Variants in BAZ1B observed in about 807,000 individuals in gnomAD.
BAZ1B encodes the protein tyrosine-protein kinase BAZ1B.
In BAZ1B, 22 loss-of-function variants were observed where a neutral mutation model predicts 153.8. The observed-to-expected ratio is 0.14, with a 90% CI of 0.10 to 0.20. BAZ1B has a LOEUF of 0.20. BAZ1B is among the 10% of genes least tolerant of loss of function. The probability of loss-of-function intolerance (pLI) is 1.00; values close to 1 mark genes in which losing one functional copy is unlikely to be tolerated. For missense variants in BAZ1B, 1,325 were observed against 1,799.3 expected (o/e 0.74, Z 4.77); for synonymous variants, 676 against 633.4 (o/e 1.07, Z -1.01).
intron 12 of BAZ1B, among the ~76,000 whole-genome samples, chr7:73,461,274 A>C (rs1042784048): frequency 2.0e-5 from 3 of 152,068 alleles, no homozygotes; most frequent in Non-Finnish European, 4.4e-5. Context: ...CCGCGCCCGC[A>C]TGAACAAGAC....
intron 3 of BAZ1B, among the ~76,000 whole-genome samples, chr7:73,507,592 C>T (rs919221468): frequency 6.6e-6 from 1 of 152,056 alleles, no homozygotes; most frequent in East Asian, 1.9e-4. Flanking sequence ...ACCAAAAAGA[C>T]AAAATAACAG....
chr7:73,521,711 G>A, intron 1 of BAZ1B, 116 bp downstream of exon 1: 1 of 818,018 alleles, frequency 1.2e-6, no homozygotes, highest in Non-Finnish European at 1.7e-6. Context: ...GAGCGGCCGG[G>A]GCGCGCTGAC....
rs547725426 is a variant in BAZ1B at position 73,481,900 on chromosome 7, G to A, written c.892-3331C>T. ...AAAATACAAAAAAAATTAGCCTGGC[G>A]CGGTGGCGGGCGCCTGTAGTCCCAG... is the stretch of plus-strand genomic sequence containing the variant. On this transcript the variant is annotated intron_variant, in intron 6 of 19. Transcript: ENST00000339594. Among the ~76,000 whole-genome samples, 11 of 152,200 alleles carry A rather than the reference G, an allele frequency of 7.2e-5. No homozygotes were observed. In the South Asian group the frequency reaches 1.0e-3, roughly 14 times the overall value.
chr7:73,449,216 G>A (rs151143551), intron 15 of BAZ1B, among the ~76,000 whole-genome samples: 130 of 152,300 alleles, frequency 8.5e-4, no homozygotes, highest in Admixed American at 5.7e-3. Context: ...TTTTAGCAGT[G>A]GGTGATAGCA....
At chr7:73,463,957 C>A (rs2116290138) in intron 11 of BAZ1B, 1 of 219,516 alleles carries the variant, frequency 4.6e-6, no homozygotes, top group Non-Finnish European at 7.7e-6. Context: ...CCGCCTGCCT[C>A]TGCCTCCCAA....
Position 73,521,874 on chromosome 7 carries a change from C to A in BAZ1B, c.60G>T (p.Glu20Asp). ...GAGTGTGCGGGATGGTGAAGAGCGG[C>A]TCCTCTCCGGGCAACGGCTTCACCA... is the stretch of plus-strand genomic sequence containing the variant. The part of the protein sequence containing the change: ...FPLVKPLPGE[E>D]PLFTIPHTQE... Residue 20 changes from glutamate to aspartate, a missense_variant, in exon 1 of 20, where the codon GAG (glutamate) becomes GAT (aspartate). This residue lies in a region of BAZ1B where 61 missense variants were observed against 61.5 expected (regional missense o/e 0.99). Transcript: ENST00000339594. 6.6e-7 allele frequency: 1 copy of A among 1,507,232 alleles called. No individual in the cohort carries two copies. Among genetic ancestry groups the A allele is most frequent in the Non-Finnish European group, 8.9e-7 (1 of 1,124,142 alleles). The allele number at this position is 1,507,232 out of a possible 1,614,324, so 93.4% of individuals were successfully genotyped here. A position where few individuals can be genotyped will look rare whatever the true frequency, so the allele number is the denominator to read the frequency against.
Position 73,442,451 on chromosome 7 carries a change from G to A in BAZ1B, c.4197C>T (p.Arg1399=). The stretch of plus-strand genomic sequence containing the variant: ...TGTCAGTAAGAAACTCCTGCACAGA[G>A]CGGTAGCTCCCACAGGAACATTTGT... ...VQNKCSCGSY[R]SVQEFLTDMK... is the part of the protein sequence containing the mutation. Residue 1399 remains arginine (R), a synonymous_variant, in exon 19 of 20, where the codon CGC becomes CGT. Transcript: ENST00000339594. 1 of 1,614,238 alleles carries A rather than the reference G, an allele frequency of 6.2e-7. No individual in the cohort carries two copies. Among genetic ancestry groups the A allele is most frequent in the Non-Finnish European group, 8.5e-7 (1 of 1,180,046 alleles).
intron 5 of BAZ1B, 115 bp from the exon 6 acceptor site, chr7:73,489,506 G>T: frequency 1.9e-6 from 2 of 1,046,478 alleles, no homozygotes; most frequent in Non-Finnish European, 2.8e-6. Context: ...TATCAACAGG[G>T]CTACAAATTA....
intron 13 of BAZ1B, among the ~76,000 whole-genome samples, chr7:73,453,771 G>A (rs1289819744): frequency 6.6e-6 from 1 of 152,166 alleles, no homozygotes; most frequent in East Asian, 1.9e-4. Context: ...GATCACTTGA[G>A]CCCAGGAGTT....
At chr7:73,474,445 A>T (rs954701511) in intron 7 of BAZ1B, among the ~76,000 whole-genome samples, 7 of 152,242 alleles carry the variant, frequency 4.6e-5, no homozygotes, top group Non-Finnish European at 8.8e-5. Flanking sequence ...CATCAAATTT[A>T]AAAAACTTTT....
At chr7:73,481,913 C>T (rs1554573751) in intron 6 of BAZ1B, among the ~76,000 whole-genome samples, 3 of 152,128 alleles carry the variant, frequency 2.0e-5, no homozygotes, top group African/African-American at 7.2e-5. Flanking sequence ...GTGGCGGGCG[C>T]CTGTAGTCCC....
At chr7:73,472,621 G>A (rs1788849242) in intron 7 of BAZ1B, among the ~76,000 whole-genome samples, 1 of 152,102 alleles carries the variant, frequency 6.6e-6, no homozygotes, top group Non-Finnish European at 1.5e-5. Context: ...CTGTCACCCA[G>A]TCTGGAGTGC....
At chr7:73,455,390 T>C (rs1788158491) in intron 13 of BAZ1B, among the ~76,000 whole-genome samples, 1 of 152,220 alleles carries the variant, frequency 6.6e-6, no homozygotes, top group Non-Finnish European at 1.5e-5. Flanking sequence ...TCTTCACAAG[T>C]AATCTTAAGC....
intron 12 of BAZ1B, among the ~76,000 whole-genome samples, chr7:73,461,126 C>A (rs1279691585): frequency 6.6e-6 from 1 of 152,028 alleles, no homozygotes; most frequent in Non-Finnish European, 1.5e-5. Context: ...CAGGCATGTG[C>A]CACCATACCC....
intron 6 of BAZ1B, among the ~76,000 whole-genome samples, chr7:73,481,759 C>T (rs1229234658): frequency 2.6e-5 from 4 of 151,538 alleles, no homozygotes; most frequent in Non-Finnish European, 5.9e-5. Context: ...AATGTGTTGC[C>T]GGGCGGGGTG....
At chr7:73,476,346 T>A (rs1322656086) in intron 7 of BAZ1B, among the ~76,000 whole-genome samples, 1 of 152,190 alleles carries the variant, frequency 6.6e-6, no homozygotes, top group African/African-American at 2.4e-5. Context: ...AAAGTTCAGA[T>A]TCGATGGAGC....
intron 3 of BAZ1B, among the ~76,000 whole-genome samples, chr7:73,505,850 C>T (rs1028752036): frequency 3.9e-5 from 6 of 152,186 alleles, no homozygotes; most frequent in African/African-American, 1.4e-4. Flanking sequence ...CATGCCCAGC[C>T]AAGAACGCAT....
chr7:73,515,531 C>CTTTTTTTTTTTTT (rs869065388), intron 1 of BAZ1B, among the ~76,000 whole-genome samples: 1 of 111,422 alleles, frequency 9.0e-6, no homozygotes, highest in Non-Finnish European at 1.8e-5. Context: ...AGCCTTGTTC[C>CTTTTTTTTTTTTT]TTTTTTTTTT....
At chr7:73,504,459 C>G (rs965505030) in intron 3 of BAZ1B, among the ~76,000 whole-genome samples, 1 of 151,952 alleles carries the variant, frequency 6.6e-6, no homozygotes, top group East Asian at 1.9e-4. Flanking sequence ...GTCAGGAGAT[C>G]GAGACCATCC....
Sources: allele counts gnomAD v4.1 joint callset (sites outside exome capture counted in the v4.1 genomes callset), GRCh38; gene constraint gnomAD v4.1.1; regional missense constraint gnomAD v4.1.1; transcripts MANE v1.5; gene names NCBI Gene and HGNC (gene_info 2026-07-23, HGNC 2026-07-21).